DGKB: variants seen among roughly 807,000 people sequenced by gnomAD.
DGKB encodes the protein 90 kDa diacylglycerol kinase.
Under a neutral mutation model 114.3 loss-of-function variants are expected in DGKB, and 67 were observed. The ratio of observed to expected loss-of-function variants is 0.59; its 90% confidence interval spans 0.48 to 0.72. The LOEUF (loss-of-function observed/expected upper bound fraction) is 0.72, where lower values mean the gene tolerates loss of function less well. Ranked by LOEUF, DGKB falls within the 30% of genes least tolerant of loss-of-function variation. The pLI is 0.00. For missense variants in DGKB, 907 were observed against 975.2 expected, an observed-to-expected ratio of 0.93 and a Z score of 0.93; for synonymous variants, 398 against 323.1, an observed-to-expected ratio of 1.23 and a Z score of -2.49.
At chr7:14,865,132 A>T (rs1587003451) in intron 1 of DGKB, among the ~76,000 whole-genome samples, 1 of 152,302 alleles carries the variant, frequency 6.6e-6, no homozygotes, top group African/African-American at 2.4e-5. Context: ...GTAAATGTTA[A>T]TTCCATTAAT....
At chr7:14,332,842 A>G (rs1386379856) in intron 23 of DGKB, among the ~76,000 whole-genome samples, 4 of 152,140 alleles carry the variant, frequency 2.6e-5, no homozygotes, top group Non-Finnish European at 5.9e-5. Context: ...TCTGGACAAT[A>G]TAATATGTTA....
At chr7:14,452,451 T>A (rs1156624549) in intron 21 of DGKB, among the ~76,000 whole-genome samples, 1 of 152,082 alleles carries the variant, frequency 6.6e-6, no homozygotes, top group Non-Finnish European at 1.5e-5. Flanking sequence ...TCATTTAGAA[T>A]GAAATATTTA....
chr7:14,364,117 G>A (rs1045550095), intron 21 of DGKB, among the ~76,000 whole-genome samples: 4 of 151,918 alleles, frequency 2.6e-5, no homozygotes, highest in African/African-American at 7.3e-5. Flanking sequence ...AAATTTTTCT[G>A]ACACTACTAT....
intron 20 of DGKB, among the ~76,000 whole-genome samples, chr7:14,522,969 A>G (rs1455273692): frequency 6.6e-6 from 1 of 152,194 alleles, no homozygotes; most frequent in African/African-American, 2.4e-5. Flanking sequence ...ACCAAGTTGA[A>G]TGTAAACCCA....
chr7:14,885,671 G>C (rs911774423), intron 1 of DGKB, among the ~76,000 whole-genome samples: 4 of 152,002 alleles, frequency 2.6e-5, no homozygotes, highest in Admixed American at 2.6e-4. Flanking sequence ...TGCGTCAATT[G>C]ATGGTAATTT....
At chr7:14,709,733 G>A (rs1289462425) in intron 6 of DGKB, among the ~76,000 whole-genome samples, 3 of 144,382 alleles carry the variant, frequency 2.1e-5, no homozygotes, top group Admixed American at 7.1e-5. Flanking sequence ...ACCAAACACC[G>A]CATATTCTCA....
intron 8 of DGKB, among the ~76,000 whole-genome samples, chr7:14,695,359 C>T (rs1823631975): frequency 6.6e-6 from 1 of 151,948 alleles, no homozygotes; most frequent in Non-Finnish European, 1.5e-5. Flanking sequence ...TCTCAAATCC[C>T]ATGGGCCTCA....
chr7:14,387,644 T>C (rs1397580065), intron 21 of DGKB, among the ~76,000 whole-genome samples: 3 of 152,086 alleles, frequency 2.0e-5, no homozygotes, highest in Non-Finnish European at 4.4e-5. Flanking sequence ...CTTGAACTAC[T>C]GGGCTTAAGT....
chr7:14,339,438 TA>T (rs557618002), intron 22 of DGKB, among the ~76,000 whole-genome samples: 4 of 150,860 alleles, frequency 2.7e-5, no homozygotes, highest in Admixed American at 1.3e-4. Context: ...CAAAAATGGT[TA>T]AAAAAAAACC....
chr7:14,635,397 T>C (rs1192530713), intron 13 of DGKB, among the ~76,000 whole-genome samples: 1 of 106,306 alleles, frequency 9.4e-6, no homozygotes, highest in African/African-American at 4.4e-5. Context: ...ATATCAAAGA[T>C]AGAAAGCAAT....
At chr7:14,673,713 G>C (rs756240362) in intron 12 of DGKB, among the ~76,000 whole-genome samples, 1 of 151,860 alleles carries the variant, frequency 6.6e-6, no homozygotes, top group Non-Finnish European at 1.5e-5. Flanking sequence ...TTTACATTAA[G>C]GTGTTACAAC....
At chr7:14,965,265 C>T (rs1787085312) in intron 1 of DGKB, among the ~76,000 whole-genome samples, 1 of 152,030 alleles carries the variant, frequency 6.6e-6, no homozygotes, top group African/African-American at 2.4e-5. Context: ...GTTGTGTACA[C>T]TGTACTTTGA....
At chr7:14,558,649 G>C (rs896718168) in intron 20 of DGKB, among the ~76,000 whole-genome samples, 2 of 151,962 alleles carry the variant, frequency 1.3e-5, no homozygotes, top group African/African-American at 4.8e-5. Flanking sequence ...AAATTTCTTG[G>C]TATCTTTTGA....
At chr7:14,733,240 A>G (rs1199283245) in intron 5 of DGKB, among the ~76,000 whole-genome samples, 1 of 152,254 alleles carries the variant, frequency 6.6e-6, no homozygotes, top group African/African-American at 2.4e-5. Context: ...GAATTATTTA[A>G]GAATCTAAAA....
intron 4 of DGKB, among the ~76,000 whole-genome samples, chr7:14,749,581 A>G (rs1183308369): frequency 6.6e-6 from 1 of 152,178 alleles, no homozygotes; most frequent in Non-Finnish European, 1.5e-5. Context: ...TATTTTTACT[A>G]TGATTTCAGT....
At chr7:14,287,792 T>C (rs1244943848) in intron 23 of DGKB, among the ~76,000 whole-genome samples, 1 of 152,166 alleles carries the variant, frequency 6.6e-6, no homozygotes, top group Non-Finnish European at 1.5e-5. Flanking sequence ...CAATTACCAT[T>C]TAATATTTCA....
At chr7:14,872,800 T>C (rs180841558) in intron 1 of DGKB, among the ~76,000 whole-genome samples, 1 of 149,684 alleles carries the variant, frequency 6.7e-6, no homozygotes. Context: ...GTAACATATA[T>C]GTATATAATA....
At chr7:14,631,398 G>C (rs1486369254) in intron 13 of DGKB, among the ~76,000 whole-genome samples, 1 of 151,872 alleles carries the variant, frequency 6.6e-6, no homozygotes, top group Non-Finnish European at 1.5e-5. Flanking sequence ...GAGAAGAAGA[G>C]GTCTAGCACA....
chr7:14,252,902 G>A (rs574986384), intron 23 of DGKB, among the ~76,000 whole-genome samples: 2 of 152,178 alleles, frequency 1.3e-5, no homozygotes, highest in South Asian at 4.2e-4. Flanking sequence ...GCGTGTAAGG[G>A]GAAAATGTTC....
Sources: gnomAD v4.1 joint callset for allele counts (sites outside exome capture counted in the v4.1 genomes callset) on GRCh38, gnomAD v4.1.1 for gene constraint, MANE v1.5 for transcripts, NCBI Gene and HGNC (gene_info 2026-07-23, HGNC 2026-07-21) for gene names.